Variants in C18orf63 observed in about 807,000 individuals in gnomAD.
C18orf63 encodes chromosome 18 open reading frame 63.
Under a neutral mutation model 75.3 loss-of-function variants are expected in C18orf63, and 50 were observed. The observed-to-expected ratio is 0.66, with a 90% CI of 0.53 to 0.84. C18orf63 has a LOEUF of 0.84. Ranked by LOEUF, C18orf63 falls within the 40% of genes least tolerant of loss-of-function variation. C18orf63 has a pLI of 0.00. For missense variants in C18orf63, 732 were observed against 800.2 expected (o/e 0.91, Z 1.03); for synonymous variants, 232 against 267.6 (o/e 0.87, Z 1.30).
rs1984521366 is a variant in C18orf63 at position 74,343,457 on chromosome 18, TC to T, written c.795-59del. 2.0e-5 allele frequency: 21 copies of T among 1,066,150 alleles called. 1 individual carries two copies. In the South Asian group the frequency reaches 3.7e-4, roughly 19 times the overall value. The allele number at this position is 1,066,150 out of a possible 1,614,324, so 66.0% of individuals were successfully genotyped here. On this transcript the variant is annotated intron_variant, in intron 10 of 13. Coordinates refer to ENST00000579455, the MANE Select transcript of C18orf63 (RefSeq NM_001174123.2). ...ATTGCTACTTTACTACTTTTTAAAATCCCTTATAAATTTCTGCCTCTTATGT... is the reference window on the plus strand; with the variant it reads ...ATTGCTACTTTACTACTTTTTAAAATCCTTATAAATTTCTGCCTCTTATGT...
At chr18:74,333,247 G>A (rs1360030026) in intron 7 of C18orf63, among the ~76,000 whole-genome samples, 1 of 152,126 alleles carries the variant, frequency 6.6e-6, no homozygotes, top group Non-Finnish European at 1.5e-5. Context: ...TGGGAGACCA[G>A]GCACTCGTTC....
intron 5 of C18orf63, 75 bp downstream of exon 5, chr18:74,328,133 A>G (rs2058942): frequency 4.7e-6 from 4 of 859,484 alleles, no homozygotes; most frequent in African/African-American, 1.7e-5. Flanking sequence ...GTCTATTCTC[A>G]TGCTGCTAAT....
chr18:74,328,551 A>G lies in C18orf63; in HGVS notation c.383-444A>G, dbSNP rs573967564. ...AAACTGACCCAATTAAGCAATCTCA[A>G]GCAAGCCCACAACAACATAAATGTC... On this transcript the variant is annotated intron_variant, in intron 5 of 13. Transcript: ENST00000579455. Among the ~76,000 whole-genome samples the G allele has an allele frequency of 6.7e-4, 102 of 152,342 alleles. 1 individual carries two copies. The highest frequency in any genetic ancestry group is 2.4e-3 in the African/African-American group (99 of 41,584).
intron 7 of C18orf63, among the ~76,000 whole-genome samples, chr18:74,336,338 G>T (rs1054312061): frequency 6.6e-6 from 1 of 152,016 alleles, no homozygotes; most frequent in East Asian, 1.9e-4. Flanking sequence ...TGTTAATGGA[G>T]TATCAAAATT....
chr18:74,353,998 A>G lies in C18orf63; in HGVS notation c.1731A>G (p.Ile577Met). The change falls in exon 12 of 14, where the codon ATA (isoleucine) becomes ATG (methionine). Residue 577 changes from isoleucine to methionine, a missense_variant. By Grantham distance (10) the Ile-to-Met change is conservative. Transcript: ENST00000579455. ...AAGAAAATTTAACAGGCAAAGGTAT[A>G]ACACAAATTTTAGGGAAAAGCCATG... Reference protein sequence around the residue: ...KGKENLTGKGITQILGKSHGS... With the variant: ...KGKENLTGKGMTQILGKSHGS... The G allele has an allele frequency of 6.5e-7, 1 of 1,536,470 alleles. No homozygotes were observed. The highest frequency in any genetic ancestry group is 8.7e-7 in the Non-Finnish European group (1 of 1,146,964).
In C18orf63 at chr18:74,356,525, C is replaced by G; in HGVS notation, c.*78C>G. The G allele has an allele frequency of 6.5e-6, 1 of 152,784 alleles. No homozygotes were observed. The highest frequency in any genetic ancestry group is 2.1e-4 in the South Asian group (1 of 4,826). 9.5% of individuals were successfully genotyped at this position (152,784 alleles called of 1,614,324 possible). A position where few individuals can be genotyped will look rare whatever the true frequency, so the allele number is the denominator to read the frequency against. ...AGGATGAACACTCTTCCAGATGCCT[C>G]TCACACTCCTGTGACCATGAAATCA... On this transcript the variant is annotated 3_prime_UTR_variant, in exon 14 of 14. Coordinates refer to ENST00000579455, the MANE Select transcript of C18orf63 (RefSeq NM_001174123.2).
At chr18:74,318,816 C>G (rs969028721) in intron 2 of C18orf63, among the ~76,000 whole-genome samples, 5 of 150,276 alleles carry the variant, frequency 3.3e-5, no homozygotes, top group African/African-American at 1.2e-4. Context: ...GAAAGAAAAG[C>G]AGCTTAGAGG....
At chr18:74,331,175 G>C (rs145110273) in intron 7 of C18orf63, among the ~76,000 whole-genome samples, 41 of 152,104 alleles carry the variant, frequency 2.7e-4, no homozygotes, top group African/African-American at 9.6e-4. Flanking sequence ...TTATTCCTTT[G>C]TTCAAAAACT....
chr18:74,344,721 T>C (rs1419908159), intron 11 of C18orf63, among the ~76,000 whole-genome samples: 4 of 152,186 alleles, frequency 2.6e-5, no homozygotes, highest in Admixed American at 6.5e-5. Context: ...ATCATGTTTG[T>C]GACATTCATC....
rs1262162728 is a variant in C18orf63, at chr18:74,359,172, A to C, written c.*2725A>C. On this transcript the variant is annotated 3_prime_UTR_variant, in exon 14 of 14. Coordinates refer to ENST00000579455, the MANE Select transcript of C18orf63 (RefSeq NM_001174123.2). ...TGTCTTATTCAAAATTGAAAATAATAAAGGTATTTCTAATAGATGTAGTTT... is the reference window on the plus strand; with the variant it reads ...TGTCTTATTCAAAATTGAAAATAATCAAGGTATTTCTAATAGATGTAGTTT... 6.6e-6 allele frequency: 1 copy of C among 152,220 alleles called. No individual in the cohort carries two copies. Among genetic ancestry groups the C allele is most frequent in the Non-Finnish European group, 1.5e-5 (1 of 68,040 alleles). 9.4% of individuals were successfully genotyped at this position (152,220 alleles called of 1,614,324 possible).
chr18:74,329,181 A>AAGT (rs1222758336), intron 6 of C18orf63, 145 bp downstream of exon 6: 38 of 560,906 alleles, frequency 6.8e-5, no homozygotes, highest in Non-Finnish European at 1.0e-4. Flanking sequence ...TTGAGCCCAC[A>AAGT]AGTTCAAGAC....
At position 74,338,830 on chromosome 18, in the gene C18orf63, A is replaced by G. The variant is rs115516998; in HGVS notation, c.611+6A>G. On this transcript the variant is annotated splice_donor_region_variant and intron_variant, in intron 8 of 13. Transcript: ENST00000579455. ...TGGTGCTACGTTTTGCCAAGGTGAG[A>G]TTTCAATTTGTAATATCTAGGGTGG... 2.7e-4 allele frequency: 357 copies of G among 1,329,188 alleles called. 1 individual carries two copies. In the African/African-American group the frequency reaches 4.8e-3, roughly 18 times the overall value. The allele number at this position is 1,329,188 out of a possible 1,614,324, so 82.3% of individuals were successfully genotyped here.
intron 13 of C18orf63, among the ~76,000 whole-genome samples, chr18:74,356,008 G>A (rs2145135134): frequency 6.6e-6 from 1 of 152,208 alleles, no homozygotes; most frequent in African/African-American, 2.4e-5. Flanking sequence ...GCAGTGAACT[G>A]TGTTTGCCAC....
At chr18:74,350,569 T>C (rs532928514) in intron 11 of C18orf63, among the ~76,000 whole-genome samples, 11 of 152,240 alleles carry the variant, frequency 7.2e-5, no homozygotes, top group Non-Finnish European at 1.5e-4. Flanking sequence ...CCTGGCCCTC[T>C]GAAGGAACCA....
chr18:74,338,792 C>T lies in C18orf63; in HGVS notation c.579C>T (p.Ser193=), dbSNP rs1225594403. Reference sequence around the variant, plus strand: ...AGCATGCTGTCATTGAGAGACATTCCATTTTAAGCAACTGGTGCTACGTTT... The same window carrying T: ...AGCATGCTGTCATTGAGAGACATTCTATTTTAAGCAACTGGTGCTACGTTT... ...ANKHAVIERH[S]ILSNWCYVLP... is the part of the protein sequence containing the mutation. Residue 193 remains serine, a synonymous_variant, in exon 8 of 14, where the codon TCC becomes TCT. Transcript: ENST00000579455. 6 of 1,411,402 alleles carry T rather than the reference C, an allele frequency of 4.3e-6. No individual in the cohort carries two copies. Among genetic ancestry groups the T allele is most frequent in the Non-Finnish European group, 2.8e-6 (3 of 1,069,596 alleles). 87.4% of individuals were successfully genotyped at this position (1,411,402 alleles called of 1,614,324 possible). A position where few individuals can be genotyped will look rare whatever the true frequency, so the allele number is the denominator to read the frequency against.
chr18:74,355,972 T>G (rs1984757955), intron 13 of C18orf63, among the ~76,000 whole-genome samples: 1 of 151,970 alleles, frequency 6.6e-6, no homozygotes, highest in Admixed American at 6.6e-5. Context: ...GGTGGGAGGA[T>G]TGCTTGAGCC....
At position 74,327,991 on chromosome 18, in the gene C18orf63, C is replaced by T; in HGVS notation, c.315C>T (p.Cys105=). 1 of 1,535,686 alleles carries T rather than the reference C, an allele frequency of 6.5e-7. No individual in the cohort carries two copies. Among genetic ancestry groups the T allele is most frequent in the Non-Finnish European group, 8.7e-7 (1 of 1,146,538 alleles). The part of the protein sequence containing the change: ...QRVIPVILQN[C]LSYSFMARLA... ...TAATTCCTGTAATTCTTCAGAACTG[C>T]CTGTCATATTCATTCATGGCTAGAC... is the stretch of plus-strand genomic sequence containing the variant. Residue 105 remains cysteine, a synonymous_variant, in exon 5 of 14, where the codon TGC becomes TGT. Coordinates refer to ENST00000579455, the MANE Select transcript of C18orf63 (RefSeq NM_001174123.2).
Position 74,328,058 on chromosome 18 carries a change from G to A in C18orf63, c.382G>A (p.Gly128Arg). Residue 128 changes from glycine (G) to arginine (R), a missense_variant and splice_region_variant, in exon 5 of 14, where the codon GGA (glycine) becomes AGA (arginine). By Grantham distance (125) the Gly-to-Arg change is moderately radical (BLOSUM62 -2). Transcript: ENST00000579455. ...WNRTGHLLIQ[G>R]RDFLSQMGKQ... ...TAGAACTGGTCATCTCTTGATACAA[G>A]GTAACTTTATCTTTTTAGTCATTGG... 6.6e-7 allele frequency: 1 copy of A among 1,509,416 alleles called. No individual in the cohort carries two copies. Among genetic ancestry groups the A allele is most frequent in the African/African-American group, 1.4e-5 (1 of 72,566 alleles). The allele number at this position is 1,509,416 out of a possible 1,614,324, so 93.5% of individuals were successfully genotyped here.
intron 8 of C18orf63, 60 bp from the exon 9 acceptor site, chr18:74,341,972 T>C: frequency 1.2e-6 from 1 of 804,404 alleles, no homozygotes; most frequent in South Asian, 1.7e-5. Flanking sequence ...AATCATGTAG[T>C]TGACTTATTA....
Sources: gnomAD v4.1 joint callset for allele counts (sites outside exome capture counted in the v4.1 genomes callset) on GRCh38, gnomAD v4.1.1 for gene constraint, MANE v1.5 for transcripts, NCBI Gene and HGNC (gene_info 2026-07-23, HGNC 2026-07-21) for gene names.